The following TRPM3 variants were observed in gnomAD, a reference collection of about 807,000 sequenced individuals.
The protein encoded by TRPM3 is long transient receptor potential channel 3.
A neutral mutation model predicts 181.2 loss-of-function variants in TRPM3; 77 were observed. The observed-to-expected ratio is 0.42, with a 90% CI of 0.35 to 0.51. The LOEUF (loss-of-function observed/expected upper bound fraction) is 0.51, where lower values mean the gene tolerates loss of function less well. Ranked by LOEUF, TRPM3 falls within the 20% of genes least tolerant of loss-of-function variation. The pLI is 0.01. For synonymous variants in TRPM3, 745 were observed against 796.4 expected (o/e 0.94, Z 1.09); for missense variants, 1,759 against 2,196.7 (o/e 0.80, Z 3.98).
At chr9:71,181,803 A>C (rs1181893709) in intron 1 of TRPM3, among the ~76,000 whole-genome samples, 2 of 152,156 alleles carry the variant, frequency 1.3e-5, no homozygotes, top group African/African-American at 4.8e-5. Context: ...ATCCTTAGAC[A>C]TAACTTTTCC....
intron 25 of TRPM3, among the ~76,000 whole-genome samples, chr9:70,542,113 C>G (rs2043531199): frequency 6.6e-6 from 1 of 151,916 alleles, no homozygotes; most frequent in African/African-American, 2.4e-5. Context: ...ATAGTGAGAC[C>G]CTATCTCAAA....
chr9:71,407,845 T>A (rs2093466711), intron 1 of TRPM3, among the ~76,000 whole-genome samples: 1 of 152,150 alleles, frequency 6.6e-6, no homozygotes, highest in African/African-American at 2.4e-5. Flanking sequence ...TGACACCTCA[T>A]ACAGCCGGGT....
chr9:70,841,970 C>T (rs918398845), intron 5 of TRPM3, among the ~76,000 whole-genome samples: 7 of 151,580 alleles, frequency 4.6e-5, no homozygotes, highest in African/African-American at 1.2e-4. Flanking sequence ...CTGTTGGGTA[C>T]GATGTTCACT....
rs528925217 is a variant in TRPM3, at chr9:70,574,674, C to T, written c.3223+16357G>A. Among the ~76,000 whole-genome samples, 17 of 152,288 alleles carry T rather than the reference C, an allele frequency of 1.1e-4. No individual in the cohort carries two copies. The South Asian group carries it at 2.7e-3, about 24-fold the overall frequency. On this transcript the variant is annotated intron_variant, in intron 22 of 25. Transcript: ENST00000677713. ...TTTTTCTCATTACTAATCCCCATTA[C>T]GCAGGAGAGTGCCTGGAACAGAGTT... is the stretch of plus-strand genomic sequence containing the variant.
chr9:71,108,073 C>G (rs755305673), intron 1 of TRPM3, among the ~76,000 whole-genome samples: 2 of 152,112 alleles, frequency 1.3e-5, no homozygotes, highest in Non-Finnish European at 2.9e-5. Context: ...ACTCTAAAAG[C>G]ATTTCTTCAT....
At chr9:71,390,128 A>G (rs1302969392) in intron 1 of TRPM3, among the ~76,000 whole-genome samples, 1 of 152,080 alleles carries the variant, frequency 6.6e-6, no homozygotes, top group Admixed American at 6.6e-5. Flanking sequence ...GCAGAGATAG[A>G]TAAGATAGAT....
At position 70,681,595 on chromosome 9, in the gene TRPM3, G is replaced by A. The variant is rs754776115; in HGVS notation, c.1273-17C>T. The A allele has an allele frequency of 6.8e-6, 11 of 1,611,580 alleles. No individual in the cohort carries two copies. In the South Asian group the frequency reaches 1.1e-4, roughly 16 times the overall value. On this transcript the variant is annotated splice_polypyrimidine_tract_variant and intron_variant, in intron 8 of 25. Transcript: ENST00000677713. ...TACCGTAATCTGCAATTTGAGACAA[G>A]GTGATCATTAGCAAAGCATTTTTCC...
chr9:71,210,289 G>T (rs560251595), intron 1 of TRPM3, among the ~76,000 whole-genome samples: 218 of 152,310 alleles, frequency 1.4e-3, no homozygotes, highest in African/African-American at 5.1e-3. Flanking sequence ...GGGCTGCCTA[G>T]TTGCAGGAAA....
intron 1 of TRPM3, among the ~76,000 whole-genome samples, chr9:71,197,563 C>A (rs1309393772): frequency 1.3e-5 from 2 of 151,848 alleles, no homozygotes; most frequent in Non-Finnish European, 2.9e-5. Flanking sequence ...GATCGCCATT[C>A]TAACTGGTGT....
chr9:70,831,967 ATATATATAT>A (rs1348231604), intron 5 of TRPM3, among the ~76,000 whole-genome samples: 15,620 of 66,186 alleles, frequency 0.24, 1,359 homozygotes, highest in African/African-American at 0.4. Flanking sequence ...CCATAAATAT[ATATATATAT>A]ATATATATAT....
chr9:70,631,030 A>G (rs1197899084), intron 12 of TRPM3, among the ~76,000 whole-genome samples: 1 of 152,204 alleles, frequency 6.6e-6, no homozygotes, highest in Non-Finnish European at 1.5e-5. Context: ...AGCCTTCAAA[A>G]CAAGATTGGT....
intron 1 of TRPM3, among the ~76,000 whole-genome samples, chr9:71,034,558 G>A (rs550716490): frequency 6.6e-6 from 1 of 152,120 alleles, no homozygotes; most frequent in African/African-American, 2.4e-5. Context: ...GGGGTGTGCA[G>A]CAGTTAAATG....
At chr9:70,754,434 T>G (rs2135149650) in intron 8 of TRPM3, among the ~76,000 whole-genome samples, 1 of 152,314 alleles carries the variant, frequency 6.6e-6, no homozygotes, top group South Asian at 2.1e-4. Flanking sequence ...AGGACCTATC[T>G]TTTTTAAAGG....
rs1565417673 is a variant in TRPM3, at chr9:71,282,080, G to GAAA, written c.183+164572_183+164573insTTT. On this transcript the variant is annotated intron_variant, in intron 1 of 24. Transcript: ENST00000357533. ...GAAAGAGAGAAAGAAAGGAAAGAAA[G>GAAA]GAAAGAAAGAGAGAAAGAAAGAAAA... Among the ~76,000 whole-genome samples, 265 of 34,076 alleles carry GAAA rather than the reference G, an allele frequency of 7.8e-3. 3 individuals are homozygous for GAAA. Among genetic ancestry groups the GAAA allele is most frequent in the African/African-American group, 0.036 (248 of 6,854 alleles). 22.4% of individuals were successfully genotyped at this position (34,076 alleles called of 152,430 possible). A position where few individuals can be genotyped will look rare whatever the true frequency, so the allele number is the denominator to read the frequency against.
intron 25 of TRPM3, among the ~76,000 whole-genome samples, chr9:70,549,291 C>T (rs989095682): frequency 1.3e-5 from 2 of 152,200 alleles, no homozygotes; most frequent in Admixed American, 6.5e-5. Flanking sequence ...GCCTGTCCTG[C>T]ACTCAAAATT....
intron 1 of TRPM3, among the ~76,000 whole-genome samples, chr9:71,002,472 G>A (rs962060854): frequency 6.6e-6 from 1 of 152,126 alleles, no homozygotes; most frequent in African/African-American, 2.4e-5. Flanking sequence ...AGTTTAATAT[G>A]CACAACACAA....
At chr9:70,917,984 G>C (rs377485497) in intron 1 of TRPM3, among the ~76,000 whole-genome samples, 1 of 152,136 alleles carries the variant, frequency 6.6e-6, no homozygotes, top group African/African-American at 2.4e-5. Flanking sequence ...AAAAAAAAGA[G>C]AGCAGGAGTA....
At chr9:70,833,051 AGAGGACTT>A (rs1443744211) in intron 5 of TRPM3, among the ~76,000 whole-genome samples, 1 of 152,256 alleles carries the variant, frequency 6.6e-6, no homozygotes, top group Non-Finnish European at 1.5e-5. Context: ...TCTATAAATT[AGAGGACTT>A]GACTAATTTC....
In TRPM3 at chr9:71,438,210, G is replaced by A. The variant is rs537672044; in HGVS notation, c.183+8443C>T. 6.6e-5 allele frequency among the ~76,000 whole-genome samples: 10 copies of A among 152,308 alleles called. No homozygotes were observed. In the South Asian group the frequency reaches 1.9e-3, roughly 28 times the overall value. ...GAGAGGAAAAGAAAAGAGATCAGGA[G>A]AGGGAAAACCATAGACTAAAAAGGA... On this transcript the variant is annotated intron_variant, in intron 1 of 24. Transcript: ENST00000357533.
Sources: gnomAD v4.1 joint callset for allele counts (sites outside exome capture counted in the v4.1 genomes callset) on GRCh38, gnomAD v4.1.1 for gene constraint, MANE v1.5 for transcripts, NCBI Gene and HGNC (gene_info 2026-07-23, HGNC 2026-07-21) for gene names.